DLG2: variants seen among roughly 807,000 people sequenced by gnomAD.
The protein encoded by DLG2 is disks large homolog 2.
DLG2 carries 45 observed loss-of-function variants against 132.5 expected under a neutral mutation model. That is an observed-to-expected ratio of 0.34 (90% CI 0.27 to 0.44). The LOEUF (loss-of-function observed/expected upper bound fraction) is 0.44. Ranked by LOEUF, DLG2 falls within the 20% of genes least tolerant of loss-of-function variation. The pLI is 1.00. For synonymous variants in DLG2, 424 were observed against 419.6 expected (o/e 1.01, Z -0.13); for missense variants, 1,045 against 1,196.9 (o/e 0.87, Z 1.87).
Position 84,106,304 on chromosome 11 carries a change from T to C in DLG2, c.625-7257A>G, listed in dbSNP as rs748413560. ...TTTTCATACACATTACTTGTTAAAA[T>C]TATTTAAAGTCTTTCTCACATCCAC... On this transcript the variant is annotated intron_variant, in intron 9 of 27. Transcript: ENST00000376104. 1.4e-4 allele frequency among the ~76,000 whole-genome samples: 22 copies of C among 152,100 alleles called. 1 individual carries two copies. Among genetic ancestry groups the C allele is most frequent in the Admixed American group, 7.9e-4 (12 of 15,254 alleles).
chr11:84,882,039 T>C (rs1467498251), intron 6 of DLG2, among the ~76,000 whole-genome samples: 1 of 152,174 alleles, frequency 6.6e-6, no homozygotes, highest in African/African-American at 2.4e-5. Context: ...GTTTTGCTAA[T>C]AGGATGCTGG....
intron 2 of DLG2, among the ~76,000 whole-genome samples, chr11:85,604,772 C>T (rs1400636365): frequency 6.6e-6 from 1 of 152,090 alleles, no homozygotes; most frequent in Admixed American, 6.5e-5. Flanking sequence ...ATAATTAGAA[C>T]TGTAGGTAAT....
intron 6 of DLG2, among the ~76,000 whole-genome samples, chr11:84,535,322 G>C (rs896247213): frequency 6.6e-6 from 1 of 152,170 alleles, no homozygotes; most frequent in East Asian, 1.9e-4. Flanking sequence ...GGGTTAGTCA[G>C]ATTCCAGGAC....
At chr11:85,081,212 A>C (rs2067186364) in intron 6 of DLG2, among the ~76,000 whole-genome samples, 2 of 152,206 alleles carry the variant, frequency 1.3e-5, no homozygotes, top group African/African-American at 4.8e-5. Flanking sequence ...AAACCTGCTG[A>C]AAAGAGCAAT....
Position 83,922,863 on chromosome 11 carries a change from G to A in DLG2, c.1496+7465C>T, listed in dbSNP as rs113211645. ...ATAAACTACCTATGTAAAGTGCCTG[G>A]CTACTGATCTGTGTACCATAAAGCG... On this transcript the variant is annotated intron_variant, in intron 15 of 27. Coordinates refer to ENST00000376104, the MANE Select transcript of DLG2 (RefSeq NM_001142699.3). Among the ~76,000 whole-genome samples, 746 of 152,164 alleles carry A rather than the reference G, an allele frequency of 4.9e-3. 3 individuals carry two copies. The highest frequency in any genetic ancestry group is 0.017 in the African/African-American group (703 of 41,526).
intron 3 of DLG2, among the ~76,000 whole-genome samples, chr11:85,462,478 A>G (rs933594597): frequency 1.3e-5 from 2 of 152,338 alleles, no homozygotes; most frequent in East Asian, 1.9e-4. Context: ...GCCATAAAAA[A>G]TGATGAGTTC....
chr11:85,081,950 G>A (rs1255508020), intron 6 of DLG2, among the ~76,000 whole-genome samples: 1 of 152,004 alleles, frequency 6.6e-6, no homozygotes, highest in East Asian at 1.9e-4. Flanking sequence ...AGACAAACAG[G>A]CCTTGCTGAG....
chr11:85,191,466 T>A (rs1382557772), intron 4 of DLG2, among the ~76,000 whole-genome samples: 1 of 152,054 alleles, frequency 6.6e-6, no homozygotes, highest in Non-Finnish European at 1.5e-5. Flanking sequence ...TCAAGATCTA[T>A]GGAATGCAAG....
At chr11:84,720,487 C>A (rs2061686116) in intron 6 of DLG2, 1 of 985,076 alleles carries the variant, frequency 1.0e-6, no homozygotes, top group Admixed American at 6.1e-5. Context: ...ACCGAGCTGC[C>A]GCTTCGATCA....
At chr11:84,452,271 G>T (rs1255067944) in intron 7 of DLG2, among the ~76,000 whole-genome samples, 3 of 151,716 alleles carry the variant, frequency 2.0e-5, no homozygotes, top group African/African-American at 7.3e-5. Flanking sequence ...GGAGGAAAAT[G>T]GTACAAAATA....
At chr11:85,138,610 G>A (rs956024254) in intron 5 of DLG2, among the ~76,000 whole-genome samples, 5 of 152,106 alleles carry the variant, frequency 3.3e-5, no homozygotes, top group African/African-American at 4.8e-5. Context: ...TTCCCACGTC[G>A]TGGGAGGGAC....
chr11:85,071,403 A>G (rs749460093), intron 6 of DLG2, among the ~76,000 whole-genome samples: 1 of 151,866 alleles, frequency 6.6e-6, no homozygotes, highest in Non-Finnish European at 1.5e-5. Context: ...TATTAATAGT[A>G]AGAAAGGCTA....
chr11:85,347,967 CTTTTTTTTTTTTTTTTTT>C (rs35083224), intron 3 of DLG2, among the ~76,000 whole-genome samples: 5 of 40,366 alleles, frequency 1.2e-4, no homozygotes, highest in African/African-American at 4.1e-4. Flanking sequence ...CCACACTTAA[CTTTTTTTTTTTTTTTTTT>C]TTTTTTTTTT....
chr11:84,496,932 G>A (rs902247909), intron 7 of DLG2, among the ~76,000 whole-genome samples: 5 of 152,100 alleles, frequency 3.3e-5, no homozygotes, highest in African/African-American at 1.2e-4. Flanking sequence ...GAAGTAGGAA[G>A]TGAAATATGC....
At chr11:85,333,166 T>A (rs1271351042) in intron 3 of DLG2, among the ~76,000 whole-genome samples, 1 of 152,158 alleles carries the variant, frequency 6.6e-6, no homozygotes, top group East Asian at 1.9e-4. Flanking sequence ...ACCTCCCTGA[T>A]TAGCTATATT....
chr11:83,782,416 T>C (rs2094867230), intron 18 of DLG2, among the ~76,000 whole-genome samples: 1 of 152,166 alleles, frequency 6.6e-6, no homozygotes, highest in South Asian at 2.1e-4. Flanking sequence ...CCTAGTGCTG[T>C]CTAGGAGCTC....
intron 2 of DLG2, among the ~76,000 whole-genome samples, chr11:85,618,573 G>A (rs561445942): frequency 6.6e-6 from 1 of 152,076 alleles, no homozygotes; most frequent in African/African-American, 2.4e-5. Context: ...GGTATACATG[G>A]ACATAAAGAC....
At chr11:84,823,064 A>G (rs2077888517) in intron 6 of DLG2, among the ~76,000 whole-genome samples, 1 of 151,894 alleles carries the variant, frequency 6.6e-6, no homozygotes, top group Non-Finnish European at 1.5e-5. Context: ...TGTATGTAAA[A>G]CATCTTTTTA....
chr11:84,681,736 G>A (rs1249103925), intron 6 of DLG2, among the ~76,000 whole-genome samples: 4 of 151,828 alleles, frequency 2.6e-5, no homozygotes, highest in Non-Finnish European at 4.4e-5. Context: ...GGCAATTAAA[G>A]TCACGCCCCT....
Sources: gnomAD v4.1 joint callset for allele counts (sites outside exome capture counted in the v4.1 genomes callset) on GRCh38, gnomAD v4.1.1 for gene constraint, MANE v1.5 for transcripts, NCBI Gene and HGNC (gene_info 2026-07-23, HGNC 2026-07-21) for gene names.